Variants in SGCZ observed in about 807,000 individuals in gnomAD.
SGCZ encodes zeta-sarcoglycan.
In SGCZ, 40 loss-of-function variants were observed where a neutral mutation model predicts 41.3. That is an observed-to-expected ratio of 0.97 (90% CI 0.75 to 1.26). The LOEUF (loss-of-function observed/expected upper bound fraction) is 1.26, where lower values mean the gene tolerates loss of function less well. Among genes scored for constraint, SGCZ ranks in the 50% most tolerant of loss-of-function variants. The pLI, the probability that SGCZ is intolerant of heterozygous loss-of-function variation, is 0.00. For synonymous variants in SGCZ, 206 were observed against 137.5 expected (o/e 1.50, Z -3.49); for missense variants, 552 against 369.8 (o/e 1.49, Z -4.04).
chr8:14,599,087 T>C (rs555983506), intron 1 of SGCZ, among the ~76,000 whole-genome samples: 1 of 152,274 alleles, frequency 6.6e-6, no homozygotes, highest in Admixed American at 6.5e-5. Flanking sequence ...TTCAACAGCA[T>C]GATCATATGC....
rs535458347 is a variant in SGCZ at position 14,738,256 on chromosome 8, T to C, written c.40-183330A>G. On this transcript the variant is annotated intron_variant, in intron 1 of 7. Transcript: ENST00000382080. ...AATCATCTTATCTAATTGACAAGATTTTACAGCATGCTAGAATTCTCCCCT... is the reference window on the plus strand; with the variant it reads ...AATCATCTTATCTAATTGACAAGATCTTACAGCATGCTAGAATTCTCCCCT... Among the ~76,000 whole-genome samples the C allele has an allele frequency of 7.9e-5, 12 of 152,184 alleles. No homozygotes were observed. In the East Asian group the frequency reaches 2.3e-3, roughly 29 times the overall value.
intron 2 of SGCZ, among the ~76,000 whole-genome samples, chr8:14,486,387 C>T (rs1479693585): frequency 6.6e-6 from 1 of 152,182 alleles, no homozygotes; most frequent in East Asian, 1.9e-4. Flanking sequence ...CTCAACTACT[C>T]ACTGTTACTC....
intron 2 of SGCZ, among the ~76,000 whole-genome samples, chr8:14,410,669 A>G (rs10105361): frequency 0.31 from 47,309 of 151,904 alleles, 7,451 homozygotes; most frequent in Admixed American, 0.35. Context: ...TGCAGGCCTT[A>G]AAACCTAGAT....
chr8:14,988,613 C>T (rs1425694359), intron 1 of SGCZ, among the ~76,000 whole-genome samples: 1 of 151,860 alleles, frequency 6.6e-6, no homozygotes, highest in Non-Finnish European at 1.5e-5. Context: ...TTTTTCTTAA[C>T]ATTTTCAATG....
At chr8:14,832,327 T>G (rs556499335) in intron 1 of SGCZ, among the ~76,000 whole-genome samples, 1 of 152,172 alleles carries the variant, frequency 6.6e-6, no homozygotes, top group African/African-American at 2.4e-5. Context: ...CAGCTTAATA[T>G]TCTATGCTAA....
At chr8:15,068,605 C>T (rs1269898166) in intron 1 of SGCZ, among the ~76,000 whole-genome samples, 1 of 152,148 alleles carries the variant, frequency 6.6e-6, no homozygotes, top group East Asian at 1.9e-4. Context: ...TACATCCATG[C>T]TTGCATACTC....
At chr8:14,836,713 C>G (rs1254938735) in intron 1 of SGCZ, among the ~76,000 whole-genome samples, 1 of 152,176 alleles carries the variant, frequency 6.6e-6, no homozygotes, top group African/African-American at 2.4e-5. Flanking sequence ...GTTGGCCAGG[C>G]TGGTCTCAAA....
chr8:14,392,189 A>G lies in SGCZ; in HGVS notation c.235-67985T>C, dbSNP rs146585084. ...TTTAATTCAATAATAGCTACACTTTAATGCATAGCTTGTTCTCTTTACTCA... is the reference window on the plus strand; with the variant it reads ...TTTAATTCAATAATAGCTACACTTTGATGCATAGCTTGTTCTCTTTACTCA... On this transcript the variant is annotated intron_variant, in intron 2 of 7. Transcript: ENST00000382080. Among the ~76,000 whole-genome samples the G allele has an allele frequency of 1.9e-3, 288 of 152,298 alleles. 3 individuals are homozygous for G. Among genetic ancestry groups the G allele is most frequent in the African/African-American group, 6.7e-3 (280 of 41,570 alleles).
At chr8:14,711,179 A>G (rs1329864205) in intron 1 of SGCZ, among the ~76,000 whole-genome samples, 1 of 152,218 alleles carries the variant, frequency 6.6e-6, no homozygotes, top group Non-Finnish European at 1.5e-5. Context: ...TAATGGATAA[A>G]TGTTAAAACA....
At chr8:14,335,731 G>A (rs1405629515) in intron 2 of SGCZ, among the ~76,000 whole-genome samples, 3 of 151,902 alleles carry the variant, frequency 2.0e-5, no homozygotes, top group Non-Finnish European at 4.4e-5. Flanking sequence ...TTCCATACAA[G>A]CTCAGAACTT....
At chr8:14,121,600 G>T (rs1243209613) in intron 5 of SGCZ, among the ~76,000 whole-genome samples, 1 of 151,962 alleles carries the variant, frequency 6.6e-6, no homozygotes, top group Non-Finnish European at 1.5e-5. Flanking sequence ...TAGAAATCAG[G>T]CCTAACATCA....
At chr8:14,396,667 A>C (rs552998777) in intron 2 of SGCZ, among the ~76,000 whole-genome samples, 1 of 152,248 alleles carries the variant, frequency 6.6e-6, no homozygotes, top group Admixed American at 6.6e-5. Context: ...ACTGATTATT[A>C]AATTCTCCCT....
chr8:14,792,776 T>G (rs1800997166), intron 1 of SGCZ, among the ~76,000 whole-genome samples: 1 of 152,070 alleles, frequency 6.6e-6, no homozygotes, highest in African/African-American at 2.4e-5. Context: ...TTTCTCTCAC[T>G]GACCACTTTT....
intron 1 of SGCZ, among the ~76,000 whole-genome samples, chr8:14,835,215 G>A (rs1012773023): frequency 6.6e-6 from 1 of 152,116 alleles, no homozygotes; most frequent in Non-Finnish European, 1.5e-5. Context: ...GCCCCTCAGT[G>A]CTTGAGCATC....
Position 15,048,299 on chromosome 8 carries a change from G to T in SGCZ, c.39+189286C>A, listed in dbSNP as rs559542576. Among the ~76,000 whole-genome samples the T allele has an allele frequency of 2.0e-5, 3 of 152,096 alleles. No individual in the cohort carries two copies. The South Asian group carries it at 6.2e-4, about 32-fold the overall frequency. On this transcript the variant is annotated intron_variant, in intron 1 of 7. Coordinates refer to ENST00000382080, the MANE Select transcript of SGCZ (RefSeq NM_139167.4). The stretch of plus-strand genomic sequence containing the variant: ...TAAGTGGATCCCATGAAGGTACAAA[G>T]TAGATGATGGTTACCAGAGGCTGGA...
At chr8:14,215,784 TAAAAC>T (rs1160703145) in intron 4 of SGCZ, among the ~76,000 whole-genome samples, 1 of 151,986 alleles carries the variant, frequency 6.6e-6, no homozygotes, top group Non-Finnish European at 1.5e-5. Context: ...CAAAATAAGA[TAAAAC>T]AAACGAAAAA....
intron 2 of SGCZ, among the ~76,000 whole-genome samples, chr8:14,325,533 A>T (rs1435085307): frequency 1.4e-5 from 2 of 146,926 alleles, no homozygotes; most frequent in African/African-American, 2.5e-5. Flanking sequence ...TATATAATCA[A>T]AATCATATAT....
chr8:14,444,621 A>T (rs923696592), intron 2 of SGCZ, among the ~76,000 whole-genome samples: 1 of 139,404 alleles, frequency 7.2e-6, no homozygotes, highest in Non-Finnish European at 1.5e-5. Flanking sequence ...ATGAGAACAC[A>T]TGGACACAGG....
At chr8:14,901,417 G>C (rs1798963815) in intron 1 of SGCZ, among the ~76,000 whole-genome samples, 2 of 152,210 alleles carry the variant, frequency 1.3e-5, no homozygotes, top group South Asian at 4.2e-4. Context: ...GTGACAAACA[G>C]GCAATACATT....
Sources: allele counts gnomAD v4.1 joint callset (sites outside exome capture counted in the v4.1 genomes callset), GRCh38; gene constraint gnomAD v4.1.1; transcripts MANE v1.5; gene names NCBI Gene and HGNC (gene_info 2026-07-23, HGNC 2026-07-21).